The following SNX4 variants were observed in gnomAD, a reference collection of about 807,000 sequenced individuals.
SNX4 encodes sorting nexin-4.
Under a neutral mutation model 70.8 loss-of-function variants are expected in SNX4, and 49 were observed. The ratio of observed to expected loss-of-function variants is 0.69; its 90% CI spans 0.55 to 0.88. The LOEUF (loss-of-function observed/expected upper bound fraction) is 0.88. Among genes scored for constraint, SNX4 ranks in the 40% least tolerant of loss-of-function variants. SNX4 has a pLI of 0.00. For missense variants in SNX4, 528 were observed against 544.8 expected, an observed-to-expected ratio of 0.97 and a Z score of 0.31; for synonymous variants, 206 against 183.8, an observed-to-expected ratio of 1.12 and a Z score of -0.98.
chr3:125,515,400 G>A lies in SNX4; in HGVS notation c.141+4632C>T, dbSNP rs933042656. Among the ~76,000 whole-genome samples, 7 of 151,492 alleles carry A rather than the reference G, an allele frequency of 4.6e-5. No individual in the cohort carries two copies. In the South Asian group the frequency reaches 1.3e-3, roughly 27 times the overall value. ...TTTTGGGTCGGGCATGGTGACTCACGCCTGTAATCCCAGCAATTTGGGGGG... is the reference window on the plus strand; with the variant it reads ...TTTTGGGTCGGGCATGGTGACTCACACCTGTAATCCCAGCAATTTGGGGGG... On this transcript the variant is annotated intron_variant, in intron 1 of 13. Transcript: ENST00000251775.
At chr3:125,495,277 T>TATATATATATATACATAC in intron 5 of SNX4, among the ~76,000 whole-genome samples, 1 of 99,618 alleles carries the variant, frequency 1.0e-5, no homozygotes, top group African/African-American at 3.6e-5. Context: ...TATATATATA[T>TATATATATATATACATAC]ACACATACAC....
intron 5 of SNX4, among the ~76,000 whole-genome samples, chr3:125,497,026 G>C (rs181670816): frequency 1.9e-3 from 291 of 151,188 alleles, no homozygotes; most frequent in Middle Eastern, 6.8e-3. Flanking sequence ...AGTACACTGG[G>C]GAAAATCTAC....
intron 13 of SNX4, among the ~76,000 whole-genome samples, chr3:125,448,361 C>T (rs1933482910): frequency 6.6e-6 from 1 of 151,312 alleles, no homozygotes; most frequent in Non-Finnish European, 1.5e-5. Context: ...TCTGGAATTC[C>T]TGGGCTCAAG....
intron 6 of SNX4, among the ~76,000 whole-genome samples, chr3:125,485,156 G>C (rs113263299): frequency 1.3e-5 from 2 of 152,272 alleles, no homozygotes; most frequent in African/African-American, 4.8e-5. Context: ...TGAGATGGGA[G>C]GATCATTTGA....
intron 9 of SNX4, among the ~76,000 whole-genome samples, chr3:125,462,612 A>T (rs1006580184): frequency 6.6e-6 from 1 of 151,386 alleles, no homozygotes; most frequent in Non-Finnish European, 1.5e-5. Context: ...AAAAAAAAAA[A>T]AAAAGAGAGA....
intron 2 of SNX4, among the ~76,000 whole-genome samples, chr3:125,500,516 T>C (rs1184327568): frequency 6.6e-6 from 1 of 151,986 alleles, no homozygotes; most frequent in Non-Finnish European, 1.5e-5. Flanking sequence ...CTTAAGAATT[T>C]ACTGGCCAGG....
chr3:125,494,003 C>G (rs1322576143), intron 5 of SNX4, among the ~76,000 whole-genome samples: 1 of 149,414 alleles, frequency 6.7e-6, no homozygotes, highest in Non-Finnish European at 1.5e-5. Context: ...CACCACTGCA[C>G]TCCAGCCGGG....
At chr3:125,498,689 G>GTATAT in intron 2 of SNX4, among the ~76,000 whole-genome samples, 1 of 152,088 alleles carries the variant, frequency 6.6e-6, no homozygotes, top group South Asian at 2.1e-4. Flanking sequence ...TGATCACAAA[G>GTATAT]GTCTGTGGAT....
chr3:125,497,080 A>T lies in SNX4; in HGVS notation c.597+261T>A, dbSNP rs6763451. ...TGCTTCATTACTATAAACACTAACT[A>T]AAAAAAAAAAAAAAAAATTCACTGT... On this transcript the variant is annotated intron_variant, in intron 5 of 13. Transcript: ENST00000251775. 0.029 allele frequency among the ~76,000 whole-genome samples: 2,923 copies of T among 99,326 alleles called. 64 individuals carry two copies. The highest frequency in any genetic ancestry group is 0.07 in the Middle Eastern group (16 of 230). The allele number at this position is 99,326 out of a possible 152,430, so 65.2% of individuals were successfully genotyped here.
intron 8 of SNX4, among the ~76,000 whole-genome samples, chr3:125,474,103 A>C (rs1441427149): frequency 6.6e-6 from 1 of 152,116 alleles, no homozygotes; most frequent in Non-Finnish European, 1.5e-5. Flanking sequence ...AACTGCCCTA[A>C]ATTAAATCTT....
chr3:125,510,234 AT>A lies in SNX4; in HGVS notation c.142-5491del, dbSNP rs879755383. The stretch of plus-strand genomic sequence containing the variant: ...CAAATGTCCATCAACAGATGAATGG[AT>A]TTTTTTTTTTTTTTTGAGACGGAGT... On this transcript the variant is annotated intron_variant, in intron 1 of 13. Transcript: ENST00000251775. 6.3e-3 allele frequency among the ~76,000 whole-genome samples: 899 copies of A among 143,546 alleles called. 2 individuals carry two copies. The highest frequency in any genetic ancestry group is 0.011 in the Middle Eastern group (3 of 280). The allele number at this position is 143,546 out of a possible 152,430, so 94.2% of individuals were successfully genotyped here.
intron 12 of SNX4, among the ~76,000 whole-genome samples, chr3:125,453,353 T>C (rs1461122397): frequency 6.6e-6 from 1 of 151,874 alleles, no homozygotes; most frequent in Non-Finnish European, 1.5e-5. Flanking sequence ...GGAGAAGAAA[T>C]GGTGGAGGGA....
At chr3:125,519,882 C>T in intron 1 of SNX4, 150 bp downstream of exon 1, 1 of 680,426 alleles carries the variant, frequency 1.5e-6, no homozygotes. Context: ...CACCTGCGGA[C>T]CCCGCCTTTC....
At chr3:125,497,106 TA>T (rs1407309449) in intron 5 of SNX4, among the ~76,000 whole-genome samples, 1 of 152,002 alleles carries the variant, frequency 6.6e-6, no homozygotes, top group Non-Finnish European at 1.5e-5. Flanking sequence ...AATTCACTGT[TA>T]CAAAATGTTC....
Position 125,460,679 on chromosome 3 carries a change from A to C in SNX4, c.944+92T>G, listed in dbSNP as rs1933855113. Reference sequence around the variant, plus strand: ...ATTATCTGAGGGAATGCATTCATTTAAAAAACACTCTACTATCTGTACTTT... The same window carrying C: ...ATTATCTGAGGGAATGCATTCATTTCAAAAACACTCTACTATCTGTACTTT... On this transcript the variant is annotated intron_variant, in intron 10 of 13. Transcript: ENST00000251775. 4 of 539,926 alleles carry C rather than the reference A, an allele frequency of 7.4e-6. No homozygotes were observed. In the South Asian group the frequency reaches 1.3e-4, roughly 18 times the overall value. 33.4% of individuals were successfully genotyped at this position (539,926 alleles called of 1,614,324 possible).
chr3:125,452,758 T>C (rs970718272), intron 12 of SNX4, among the ~76,000 whole-genome samples: 2 of 151,930 alleles, frequency 1.3e-5, no homozygotes, highest in South Asian at 2.1e-4. Context: ...GCTGGGACTG[T>C]AGGCGCCTGC....
At chr3:125,484,912 A>G (rs928908142) in intron 6 of SNX4, among the ~76,000 whole-genome samples, 6 of 152,190 alleles carry the variant, frequency 3.9e-5, no homozygotes, top group Middle Eastern at 3.4e-3. Flanking sequence ...CTAAAAATAC[A>G]AAAATTAGCT....
At chr3:125,470,047 G>GCCACAGAT (rs1462833004) in intron 8 of SNX4, among the ~76,000 whole-genome samples, 2 of 152,138 alleles carry the variant, frequency 1.3e-5, no homozygotes, top group African/African-American at 4.8e-5. Flanking sequence ...AGCTACTAGA[G>GCCACAGAT]CCACAGATCA....
chr3:125,448,795 C>G (rs1044087679), intron 13 of SNX4, among the ~76,000 whole-genome samples: 8 of 151,158 alleles, frequency 5.3e-5, no homozygotes, highest in Non-Finnish European at 8.8e-5. Context: ...ACCACCTCAG[C>G]CTCCCAAGTA....
Sources: allele counts gnomAD v4.1 joint callset (sites outside exome capture counted in the v4.1 genomes callset), GRCh38; gene constraint gnomAD v4.1.1; transcripts MANE v1.5; gene names NCBI Gene and HGNC (gene_info 2026-07-23, HGNC 2026-07-21).